Variants in OPCML observed in about 807,000 individuals in gnomAD.
OPCML encodes opioid-binding protein/cell adhesion molecule.
A neutral mutation model predicts 37.8 loss-of-function variants in OPCML; 13 were observed. The observed-to-expected ratio is 0.34, with a 90% confidence interval of 0.22 to 0.55. The LOEUF is 0.55. Among genes scored for constraint, OPCML ranks in the 20% least tolerant of loss-of-function variants. The pLI, the probability that OPCML is intolerant of heterozygous loss-of-function variation, is 0.91. For synonymous variants in OPCML, 176 were observed against 168.8 expected (o/e 1.04, Z -0.33); for missense variants, 341 against 435.6 (o/e 0.78, Z 1.93).
intron 1 of OPCML, among the ~76,000 whole-genome samples, chr11:133,465,783 G>T (rs1030500492): frequency 1.3e-5 from 2 of 152,084 alleles, no homozygotes; most frequent in African/African-American, 4.8e-5. Flanking sequence ...ATCGTCCACC[G>T]TAAAGGGACA....
At chr11:132,597,592 G>T (rs922916896) in intron 3 of OPCML, among the ~76,000 whole-genome samples, 2 of 152,142 alleles carry the variant, frequency 1.3e-5, no homozygotes, top group Admixed American at 6.5e-5. Context: ...AGTGACTACT[G>T]ATATTATTGA....
intron 3 of OPCML, among the ~76,000 whole-genome samples, chr11:132,633,906 G>T (rs1940314061): frequency 6.6e-6 from 1 of 152,162 alleles, no homozygotes; most frequent in Non-Finnish European, 1.5e-5. Context: ...GGGGGTGGGA[G>T]GCTGGGGGTG....
chr11:133,128,205 A>T lies in OPCML; in HGVS notation c.62-185195T>A, dbSNP rs1949546303. The stretch of plus-strand genomic sequence containing the variant: ...AACTGATGGAATAAAGGAACTAATG[A>T]AGAGTGCCAAATGCATTGGCAGCCC... On this transcript the variant is annotated intron_variant, in intron 1 of 7. Transcript: ENST00000524381. Among the ~76,000 whole-genome samples the T allele has an allele frequency of 2.0e-5, 3 of 152,112 alleles. No homozygotes were observed. The South Asian group carries it at 6.2e-4, about 32-fold the overall frequency.
At chr11:132,620,782 C>A (rs1939354151) in intron 3 of OPCML, among the ~76,000 whole-genome samples, 1 of 152,206 alleles carries the variant, frequency 6.6e-6, no homozygotes, top group African/African-American at 2.4e-5. Flanking sequence ...GTTTGCTTCA[C>A]AGGGAGTGAA....
chr11:133,100,802 C>T (rs1359952807), intron 1 of OPCML, among the ~76,000 whole-genome samples: 1 of 152,038 alleles, frequency 6.6e-6, no homozygotes, highest in Non-Finnish European at 1.5e-5. Context: ...ATACCTTTTG[C>T]CAAAAGGAAG....
At chr11:132,716,408 G>A (rs11223181) in intron 2 of OPCML, among the ~76,000 whole-genome samples, 6 of 41,740 alleles carry the variant, frequency 1.4e-4, no homozygotes, top group Non-Finnish European at 2.1e-4. Context: ...CTATCTATCT[G>A]TCTGTCTATC....
intron 2 of OPCML, among the ~76,000 whole-genome samples, chr11:132,742,265 G>T (rs995679176): frequency 6.6e-6 from 1 of 152,174 alleles, no homozygotes; most frequent in African/African-American, 2.4e-5. Flanking sequence ...AAATTCATAT[G>T]TTGAAACCCT....
At chr11:133,496,167 C>T (rs748260903) in intron 1 of OPCML, among the ~76,000 whole-genome samples, 5 of 152,100 alleles carry the variant, frequency 3.3e-5, no homozygotes, top group Non-Finnish European at 7.4e-5. Context: ...TGTCTTTTCC[C>T]ACTTTATGTT....
chr11:133,139,030 A>C (rs892275605), intron 1 of OPCML, among the ~76,000 whole-genome samples: 1 of 152,220 alleles, frequency 6.6e-6, no homozygotes, highest in African/African-American at 2.4e-5. Flanking sequence ...ATTTCAAAGT[A>C]TTTGTTGACT....
intron 2 of OPCML, among the ~76,000 whole-genome samples, chr11:132,828,295 G>A (rs957707105): frequency 6.6e-6 from 1 of 152,094 alleles, no homozygotes; most frequent in Admixed American, 6.6e-5. Context: ...TAACCACCCG[G>A]TATGATACTA....
intron 3 of OPCML, among the ~76,000 whole-genome samples, chr11:132,552,407 T>C (rs2096383774): frequency 6.6e-6 from 1 of 152,208 alleles, no homozygotes. Context: ...CCTTCTCCAG[T>C]GTTCCCCATA....
Position 132,643,337 on chromosome 11 carries a change from C to T in OPCML, c.379+13750G>A, listed in dbSNP as rs1347007602. Among the ~76,000 whole-genome samples the T allele has an allele frequency of 2.0e-5, 3 of 152,176 alleles. No homozygotes were observed. The East Asian group carries it at 5.8e-4, about 29-fold the overall frequency. On this transcript the variant is annotated intron_variant, in intron 3 of 7. Coordinates refer to ENST00000524381, the MANE Select transcript of OPCML (RefSeq NM_001012393.5). ...GCTGAAGGAGCTCAGGCAGAGCGGT[C>T]GGAGAGCAGAGACCCTCCCTGGGGA...
intron 2 of OPCML, among the ~76,000 whole-genome samples, chr11:132,694,179 CTTTT>C (rs1162305568): frequency 6.0e-4 from 26 of 42,988 alleles, no homozygotes; most frequent in African/African-American, 1.4e-3. Context: ...AAATCAATGT[CTTTT>C]TTTTTTTTTT....
chr11:132,455,719 A>T lies in OPCML; in HGVS notation c.506-18360T>A, dbSNP rs374683910. Among the ~76,000 whole-genome samples, 26 of 152,318 alleles carry T rather than the reference A, an allele frequency of 1.7e-4. No individual in the cohort carries two copies. In the South Asian group the frequency reaches 5.0e-3, roughly 29 times the overall value. ...GTTTAAATATCCTAAGCCATTACAT[A>T]TTGATAGAGACTACCGTTGTCTGTC... On this transcript the variant is annotated intron_variant, in intron 4 of 7. Coordinates refer to ENST00000524381, the MANE Select transcript of OPCML (RefSeq NM_001012393.5).
chr11:132,940,275 T>A (rs746534207), intron 2 of OPCML, among the ~76,000 whole-genome samples: 1 of 152,236 alleles, frequency 6.6e-6, no homozygotes, highest in Non-Finnish European at 1.5e-5. Flanking sequence ...CTAGTAGGTC[T>A]CTGGCCTCCT....
chr11:133,328,765 A>C (rs1310869954), intron 1 of OPCML, among the ~76,000 whole-genome samples: 2 of 152,168 alleles, frequency 1.3e-5, no homozygotes, highest in Admixed American at 6.5e-5. Flanking sequence ...CCCTTTGAAA[A>C]CTGGCACAAG....
chr11:132,905,715 T>C (rs1443366591), intron 2 of OPCML, among the ~76,000 whole-genome samples: 1 of 151,766 alleles, frequency 6.6e-6, no homozygotes, highest in East Asian at 1.9e-4. Context: ...AAAAAAAAAG[T>C]GAGCCCTTGA....
chr11:133,432,374 C>T (rs4506667), intron 1 of OPCML, among the ~76,000 whole-genome samples: 45,810 of 151,802 alleles, frequency 0.3, 10,036 homozygotes, highest in African/African-American at 0.62. Flanking sequence ...AAAAAACACA[C>T]TTTTTTAGAA....
intron 2 of OPCML, among the ~76,000 whole-genome samples, chr11:132,863,944 G>A (rs61906894): frequency 1.1e-5 from 1 of 90,038 alleles, no homozygotes; most frequent in East Asian, 2.6e-4. Flanking sequence ...TTATTTATTT[G>A]TTTATTTTTT....
Sources: gnomAD v4.1 joint callset for allele counts (sites outside exome capture counted in the v4.1 genomes callset) on GRCh38, gnomAD v4.1.1 for gene constraint, MANE v1.5 for transcripts, NCBI Gene and HGNC (gene_info 2026-07-23, HGNC 2026-07-21) for gene names.